ACAD11: variants seen among roughly 807,000 people sequenced by gnomAD.
The protein encoded by ACAD11 is acyl-Coenzyme A dehydrogenase family, member 11.
Under a neutral mutation model 102.2 loss-of-function variants are expected in ACAD11, and 83 were observed. The ratio of observed to expected loss-of-function variants is 0.81; its 90% confidence interval spans 0.68 to 0.97. The LOEUF is 0.97. Among genes scored for constraint, ACAD11 ranks in the 50% least tolerant of loss-of-function variants. The pLI, the probability that ACAD11 is intolerant of heterozygous loss-of-function variation, is 0.00. For synonymous variants in ACAD11, 324 were observed against 319.8 expected, an observed-to-expected ratio of 1.01 and a Z score of -0.14; for missense variants, 901 against 951.7, an observed-to-expected ratio of 0.95 and a Z score of 0.70.
intron 9 of ACAD11, among the ~76,000 whole-genome samples, chr3:132,622,530 A>C (rs1939647765): frequency 6.6e-6 from 1 of 152,172 alleles, no homozygotes. Flanking sequence ...AAATTAAATT[A>C]TGCCAGTGTT....
chr3:132,599,317 C>T (rs141972181), intron 13 of ACAD11, among the ~76,000 whole-genome samples: 2 of 151,862 alleles, frequency 1.3e-5, no homozygotes, highest in African/African-American at 4.8e-5. Context: ...AACAGTCTGG[C>T]CAACATAGTG....
Position 132,603,241 on chromosome 3 carries a change from A to T in ACAD11, c.1609T>A (p.Trp537Arg), listed in dbSNP as rs762771749. 9 of 1,613,986 alleles carry T rather than the reference A, an allele frequency of 5.6e-6. No individual in the cohort carries two copies. The highest frequency in any genetic ancestry group is 1.6e-4 in the Middle Eastern group (1 of 6,062). The part of the protein sequence containing the change: ...EDSYVINGKK[W>R]WSSGAGNPKC... ...GCTGAACACTCACCACTGCTCCACC[A>T]TTTTTTGCCGTTAATTACATAGCTA... Residue 537 changes from tryptophan (W) to arginine (R), a missense_variant, in exon 13 of 20, where the codon TGG (tryptophan) becomes AGG (arginine). Transcript: ENST00000264990.
intron 1 of ACAD11, among the ~76,000 whole-genome samples, chr3:132,653,920 A>C (rs761795293): frequency 5.3e-5 from 8 of 152,104 alleles, no homozygotes; most frequent in Non-Finnish European, 1.2e-4. Context: ...CTTTTTGTCG[A>C]TGGCTCTCAA....
chr3:132,584,517 T>C lies in ACAD11; in HGVS notation c.1622-4959A>G, dbSNP rs573831020. ...ATGGGTCTTGACTCTTTTTCCAATT[T>C]GCCAGTCTGTGTCTTTCAATTGGAG... is the stretch of plus-strand genomic sequence containing the variant. On this transcript the variant is annotated intron_variant, in intron 13 of 19. Coordinates refer to ENST00000264990, the MANE Select transcript of ACAD11 (RefSeq NM_032169.5). Among the ~76,000 whole-genome samples, 175 of 152,330 alleles carry C rather than the reference T, an allele frequency of 1.1e-3. 1 individual carries two copies. Among genetic ancestry groups the C allele is most frequent in the Non-Finnish European group, 1.1e-3 (74 of 68,028 alleles).
chr3:132,611,195 A>G (rs1483161191), intron 11 of ACAD11, among the ~76,000 whole-genome samples: 2 of 152,174 alleles, frequency 1.3e-5, no homozygotes, highest in Non-Finnish European at 2.9e-5. Flanking sequence ...AAAAACTCTC[A>G]ATAAATTAGG....
chr3:132,625,557 CAT>C (rs1939778230), intron 9 of ACAD11, among the ~76,000 whole-genome samples: 2 of 152,048 alleles, frequency 1.3e-5, no homozygotes, highest in African/African-American at 2.4e-5. Flanking sequence ...TCACTAAACA[CAT>C]GTGAGAGGTG....
chr3:132,632,919 G>A (rs1576607873), intron 5 of ACAD11, among the ~76,000 whole-genome samples: 1 of 152,124 alleles, frequency 6.6e-6, no homozygotes, highest in African/African-American at 2.4e-5. Context: ...TTTGCACATT[G>A]ATTTTGTATC....
At chr3:132,623,727 A>ATGACACAAAGTTCAGCAGAG (rs1229814154) in intron 9 of ACAD11, among the ~76,000 whole-genome samples, 1 of 152,196 alleles carries the variant, frequency 6.6e-6, no homozygotes, top group African/African-American at 2.4e-5. Flanking sequence ...CAATAGCTGC[A>ATGACACAAAGTTCAGCAGAG]TGACACAAAG....
At chr3:132,593,039 A>T (rs952500558) in intron 13 of ACAD11, among the ~76,000 whole-genome samples, 1 of 151,964 alleles carries the variant, frequency 6.6e-6, no homozygotes, top group East Asian at 1.9e-4. Flanking sequence ...GTTGAAAATT[A>T]AAAAAAACCA....
chr3:132,631,360 A>C lies in ACAD11; in HGVS notation c.822T>G (p.Gly274=), dbSNP rs960298885. 6.6e-7 allele frequency: 1 copy of C among 1,506,292 alleles called. No homozygotes were observed. The highest frequency in any genetic ancestry group is 8.9e-7 in the Non-Finnish European group (1 of 1,123,500). 93.3% of individuals were successfully genotyped at this position (1,506,292 alleles called of 1,614,324 possible). A position where few individuals can be genotyped will look rare whatever the true frequency, so the allele number is the denominator to read the frequency against. Residue 274 remains glycine, a synonymous_variant, in exon 6 of 20, where the codon GGT becomes GGG. Coordinates refer to ENST00000264990, the MANE Select transcript of ACAD11 (RefSeq NM_032169.5). ...TTATACCTGAGTTTTCACTATAAGA[A>C]CCTTGATTTATCATTGGAACTGTCC... The part of the protein sequence containing the change: ...WPRTVPMINQ[G]SYSENSGIPS...
chr3:132,645,459 G>C lies in ACAD11; in HGVS notation c.150-563C>G, dbSNP rs968662797. 1.8e-4 allele frequency among the ~76,000 whole-genome samples: 27 copies of C among 152,148 alleles called. 1 individual carries two copies. Among genetic ancestry groups the C allele is most frequent in the Admixed American group, 1.6e-3 (25 of 15,284 alleles). ...TGGCCCAACTAACTCACAGACACCAGGGCATTGACTTTCCCTGCCAGATGA... is the reference window on the plus strand; with the variant it reads ...TGGCCCAACTAACTCACAGACACCACGGCATTGACTTTCCCTGCCAGATGA... On this transcript the variant is annotated intron_variant, in intron 1 of 19. Coordinates refer to ENST00000264990, the MANE Select transcript of ACAD11 (RefSeq NM_032169.5).
chr3:132,601,221 G>A (rs1422335919), intron 13 of ACAD11: 1 of 1,613,760 alleles, frequency 6.2e-7, no homozygotes, highest in Non-Finnish European at 8.5e-7. Context: ...ATCACCAGCT[G>A]CAACATGAGC....
At position 132,639,990 on chromosome 3, in the gene ACAD11, ACTCT is replaced by A. The variant is rs565350090; in HGVS notation, c.538-338_538-335del. Reference sequence around the variant, plus strand: ...TACAAACACACACACGCACACACACACTCTCTCTCACACACACACACACACACAC... The same window carrying A: ...TACAAACACACACACGCACACACACACTCTCACACACACACACACACACAC... On this transcript the variant is annotated intron_variant, in intron 4 of 19. Coordinates refer to ENST00000264990, the MANE Select transcript of ACAD11 (RefSeq NM_032169.5). Among the ~76,000 whole-genome samples, 9 of 149,118 alleles carry A rather than the reference ACTCT, an allele frequency of 6.0e-5. No homozygotes were observed. In the East Asian group the frequency reaches 1.4e-3, roughly 23 times the overall value.
chr3:132,583,413 T>A (rs1470930569), intron 13 of ACAD11, among the ~76,000 whole-genome samples: 2 of 152,222 alleles, frequency 1.3e-5, no homozygotes, highest in Non-Finnish European at 2.9e-5. Flanking sequence ...TTATCATTTT[T>A]TATTGCATCT....
intron 1 of ACAD11, among the ~76,000 whole-genome samples, chr3:132,651,611 T>A (rs1212467757): frequency 6.6e-6 from 1 of 152,228 alleles, no homozygotes; most frequent in Non-Finnish European, 1.5e-5. Flanking sequence ...CAATCAATAC[T>A]TGACCTACCA....
chr3:132,587,912 C>T (rs1937912008), intron 13 of ACAD11, among the ~76,000 whole-genome samples: 1 of 152,188 alleles, frequency 6.6e-6, no homozygotes, highest in Non-Finnish European at 1.5e-5. Flanking sequence ...AAAGTTTCCA[C>T]ATGAAAGCTG....
chr3:132,614,114 A>G (rs1424788896), intron 11 of ACAD11, among the ~76,000 whole-genome samples: 1 of 149,394 alleles, frequency 6.7e-6, no homozygotes, highest in Non-Finnish European at 1.5e-5. Flanking sequence ...TCCAACTTAT[A>G]AGGGATGTGA....
chr3:132,618,055 T>C (rs534229623), intron 11 of ACAD11, among the ~76,000 whole-genome samples: 7 of 152,264 alleles, frequency 4.6e-5, no homozygotes, highest in Non-Finnish European at 7.4e-5. Context: ...TATTCTGCTG[T>C]TTTTTTCCAA....
At chr3:132,572,698 A>G (rs1559934113) in intron 17 of ACAD11, among the ~76,000 whole-genome samples, 1 of 152,266 alleles carries the variant, frequency 6.6e-6, no homozygotes, top group African/African-American at 2.4e-5. Flanking sequence ...AAACAGGTAC[A>G]TAGACCAATG....
Sources: gnomAD v4.1 joint callset for allele counts (sites outside exome capture counted in the v4.1 genomes callset) on GRCh38, gnomAD v4.1.1 for gene constraint, MANE v1.5 for transcripts, NCBI Gene and HGNC (gene_info 2026-07-23, HGNC 2026-07-21) for gene names.